SGCZ: variants seen among roughly 807,000 people sequenced by gnomAD.
SGCZ encodes zeta-sarcoglycan.
Under a neutral mutation model 41.3 loss-of-function variants are expected in SGCZ, and 40 were observed. The observed-to-expected ratio is 0.97, with a 90% CI of 0.75 to 1.26. The LOEUF is 1.26. Among genes scored for constraint, SGCZ ranks in the 50% most tolerant of loss-of-function variants. The pLI is 0.00. For missense variants in SGCZ, 552 were observed against 369.8 expected (o/e 1.49, Z -4.04); for synonymous variants, 206 against 137.5 (o/e 1.50, Z -3.49).
chr8:14,991,629 A>G (rs73203320), intron 1 of SGCZ, among the ~76,000 whole-genome samples: 8 of 152,260 alleles, frequency 5.3e-5, no homozygotes, highest in Non-Finnish European at 7.4e-5. Context: ...GTCATCTTCT[A>G]GAATTCCTTG....
chr8:14,741,766 A>G (rs1371593538), intron 1 of SGCZ, among the ~76,000 whole-genome samples: 1 of 152,060 alleles, frequency 6.6e-6, no homozygotes, highest in African/African-American at 2.4e-5. Context: ...AACACCATGA[A>G]TCATTAAATA....
chr8:15,227,193 A>G (rs1007760254), intron 1 of SGCZ, among the ~76,000 whole-genome samples: 3 of 152,206 alleles, frequency 2.0e-5, no homozygotes, highest in Non-Finnish European at 4.4e-5. Flanking sequence ...AAAAATGTCT[A>G]TGGAGTATAT....
intron 1 of SGCZ, among the ~76,000 whole-genome samples, chr8:14,593,975 G>A (rs1044284558): frequency 2.6e-5 from 4 of 151,974 alleles, no homozygotes; most frequent in Admixed American, 2.6e-4. Flanking sequence ...AGGAGTTCGA[G>A]AGCAGTCTGG....
chr8:14,607,639 T>C (rs952680451), intron 1 of SGCZ, among the ~76,000 whole-genome samples: 4 of 152,124 alleles, frequency 2.6e-5, no homozygotes, highest in African/African-American at 9.7e-5. Flanking sequence ...GAGCAAAATG[T>C]GCAGGGTAGT....
chr8:14,540,676 C>G (rs549761067), intron 2 of SGCZ, among the ~76,000 whole-genome samples: 2 of 151,898 alleles, frequency 1.3e-5, no homozygotes, highest in East Asian at 1.9e-4. Context: ...TGTTAGTGAT[C>G]ACATATCTTA....
At chr8:14,183,422 C>T (rs1010636467) in intron 4 of SGCZ, among the ~76,000 whole-genome samples, 6 of 152,072 alleles carry the variant, frequency 3.9e-5, no homozygotes, top group Non-Finnish European at 7.4e-5. Context: ...TAGAATTTTG[C>T]CACAAAACTC....
intron 2 of SGCZ, among the ~76,000 whole-genome samples, chr8:14,420,846 G>C (rs1237423150): frequency 6.6e-6 from 1 of 151,990 alleles, no homozygotes; most frequent in Non-Finnish European, 1.5e-5. Flanking sequence ...GTACTTCATT[G>C]TAACTCTATT....
At chr8:14,200,296 G>A (rs964257427) in intron 4 of SGCZ, among the ~76,000 whole-genome samples, 1 of 152,074 alleles carries the variant, frequency 6.6e-6, no homozygotes, top group Non-Finnish European at 1.5e-5. Flanking sequence ...CCCTAAACAG[G>A]TATAGTCCAT....
At chr8:15,003,977 G>C (rs1335664959) in intron 1 of SGCZ, among the ~76,000 whole-genome samples, 1 of 152,122 alleles carries the variant, frequency 6.6e-6, no homozygotes, top group African/African-American at 2.4e-5. Context: ...AGGAAAACAG[G>C]TCAACATGAG....
At chr8:14,351,948 A>G (rs1028067620) in intron 2 of SGCZ, among the ~76,000 whole-genome samples, 2 of 152,130 alleles carry the variant, frequency 1.3e-5, no homozygotes, top group African/African-American at 4.8e-5. Flanking sequence ...TCACATATAT[A>G]AAGTACAAAT....
At chr8:14,594,896 CTG>C (rs1805358930) in intron 1 of SGCZ, among the ~76,000 whole-genome samples, 2 of 151,832 alleles carry the variant, frequency 1.3e-5, no homozygotes, top group Admixed American at 1.3e-4. Context: ...TACAGAGACA[CTG>C]TTATATTGCT....
chr8:14,779,869 T>C (rs1008369330), intron 1 of SGCZ, among the ~76,000 whole-genome samples: 6 of 152,212 alleles, frequency 3.9e-5, no homozygotes, highest in South Asian at 2.1e-4. Flanking sequence ...TTTAATTAAA[T>C]TGTTTAAAGA....
chr8:15,108,642 G>A (rs755548467), intron 1 of SGCZ, among the ~76,000 whole-genome samples: 1 of 152,104 alleles, frequency 6.6e-6, no homozygotes, highest in Non-Finnish European at 1.5e-5. Context: ...TAGCCCCAGA[G>A]CTACGCATAT....
chr8:14,753,236 A>C (rs1799555718), intron 1 of SGCZ, among the ~76,000 whole-genome samples: 1 of 152,100 alleles, frequency 6.6e-6, no homozygotes, highest in Non-Finnish European at 1.5e-5. Flanking sequence ...TTTTCTCTAA[A>C]ATTTTAGATT....
At chr8:15,114,380 G>C (rs1807187985) in intron 1 of SGCZ, among the ~76,000 whole-genome samples, 2 of 152,130 alleles carry the variant, frequency 1.3e-5, no homozygotes, top group Non-Finnish European at 2.9e-5. Flanking sequence ...TCTCAGCTTT[G>C]TTTTCCCAGC....
chr8:14,946,819 G>T (rs539632112), intron 1 of SGCZ, among the ~76,000 whole-genome samples: 1 of 151,900 alleles, frequency 6.6e-6, no homozygotes, highest in East Asian at 1.9e-4. Flanking sequence ...AGACCTACAG[G>T]CACCCACCAC....
chr8:14,220,593 A>G (rs2054429), intron 4 of SGCZ, among the ~76,000 whole-genome samples: 107,368 of 151,820 alleles, frequency 0.71, 38,735 homozygotes, highest in African/African-American at 0.83. Context: ...CAGCCTGACC[A>G]ACATGTTGAA....
chr8:14,868,202 G>T (rs1804003302), intron 1 of SGCZ, among the ~76,000 whole-genome samples: 1 of 152,086 alleles, frequency 6.6e-6, no homozygotes, highest in South Asian at 2.1e-4. Flanking sequence ...CAGTCACGAG[G>T]ATACAGTGGT....
At chr8:14,305,877 C>A (rs575983763) in intron 3 of SGCZ, among the ~76,000 whole-genome samples, 3 of 152,296 alleles carry the variant, frequency 2.0e-5, no homozygotes, top group African/African-American at 7.2e-5. Flanking sequence ...GACTCACTCT[C>A]TATTGCCGCT....
Sources: allele counts gnomAD v4.1 joint callset (sites outside exome capture counted in the v4.1 genomes callset), GRCh38; gene constraint gnomAD v4.1.1; transcripts MANE v1.5; gene names NCBI Gene and HGNC (gene_info 2026-07-23, HGNC 2026-07-21).